Variants in ZSCAN31 observed in about 807,000 individuals in gnomAD.
ZSCAN31 encodes the protein zinc finger and SCAN domain containing 31.
In ZSCAN31, 14 loss-of-function variants were observed where a neutral mutation model predicts 22.5. The observed-to-expected ratio is 0.62, with a 90% CI of 0.41 to 0.97. The LOEUF (loss-of-function observed/expected upper bound fraction) is 0.97, where lower values mean the gene tolerates loss of function less well. Ranked by LOEUF, ZSCAN31 falls within the 50% of genes least tolerant of loss-of-function variation. The probability of loss-of-function intolerance (pLI) is 0.00; values close to 1 mark genes in which losing one functional copy is unlikely to be tolerated. For synonymous variants in ZSCAN31, 168 were observed against 169.8 expected (o/e 0.99, Z 0.08); for missense variants, 424 against 483.4 (o/e 0.88, Z 1.15).
rs1192930047 is a variant in ZSCAN31, at chr6:28,326,503, T to C, written c.884A>G (p.Tyr295Cys). Reference sequence around the variant, plus strand: ...GGCTTTCCCACACTCCTTACATTGATAGGGTTTCTCTCCAGTGTGGCTCCG... The same window carrying C: ...GGCTTTCCCACACTCCTTACATTGACAGGGTTTCTCTCCAGTGTGGCTCCG... Reference protein sequence around the residue: ...HRRSHTGEKPYQCKECGKAFS... With the variant: ...HRRSHTGEKPCQCKECGKAFS... The change falls in exon 4 of 4, where the codon TAT (tyrosine) becomes TGT (cysteine). Residue 295 changes from tyrosine (Y) to cysteine (C), a missense_variant. Physicochemically the swap from Tyr to Cys is radical, Grantham distance 194 (BLOSUM62 -2). Coordinates refer to ENST00000344279, the MANE Select transcript of ZSCAN31 (RefSeq NM_030899.5). 1.9e-6 allele frequency: 3 copies of C among 1,614,224 alleles called. No homozygotes were observed. Among genetic ancestry groups the C allele is most frequent in the Non-Finnish European group, 1.7e-6 (2 of 1,180,034 alleles).
chr6:28,327,356 C>A lies in ZSCAN31; in HGVS notation c.532+27G>T, dbSNP rs764760876. On this transcript the variant is annotated intron_variant, in intron 3 of 3. Coordinates refer to ENST00000344279, the MANE Select transcript of ZSCAN31 (RefSeq NM_030899.5). ...CCCTATATAGACCCACCAGAGATCT[C>A]CTGAAGGGACCTGTCAAAATCCTTA... 3.1e-6 allele frequency: 5 copies of A among 1,613,374 alleles called. No individual in the cohort carries two copies. In the Admixed American group the frequency reaches 8.3e-5, roughly 27 times the overall value.
chr6:28,329,363 C>G lies in ZSCAN31; in HGVS notation c.321G>C (p.Gly107=). The G allele has an allele frequency of 6.2e-7, 1 of 1,613,190 alleles. No individual in the cohort carries two copies. Among genetic ancestry groups the G allele is most frequent in the Non-Finnish European group, 8.5e-7 (1 of 1,179,572 alleles). ...AWVREHHPES[G]EEAVAVVEDL... ...CTTCAACTACAGCCACAGCCTCCTC[C>G]CCACTCTCCGGATGGTGCTCCCGCA... Residue 107 remains glycine (G), a synonymous_variant, in exon 2 of 4, where the codon GGG becomes GGC. Transcript: ENST00000344279.
At position 28,335,643 on chromosome 6, in the gene ZSCAN31, A is replaced by G. The variant is rs545940147; in HGVS notation, c.-96+439T>C. Among the ~76,000 whole-genome samples, 3 of 152,152 alleles carry G rather than the reference A, an allele frequency of 2.0e-5. No individual in the cohort carries two copies. The East Asian group carries it at 5.8e-4, about 29-fold the overall frequency. ...CTATGAATCATCATTTCAGCTCCTGATTGGTCCCGGACCAAGCTGAGTCAA... is the reference window on the plus strand; with the variant it reads ...CTATGAATCATCATTTCAGCTCCTGGTTGGTCCCGGACCAAGCTGAGTCAA... On this transcript the variant is annotated intron_variant, in intron 1 of 3. Coordinates refer to ENST00000344279, the MANE Select transcript of ZSCAN31 (RefSeq NM_030899.5).
At chr6:28,350,020 G>A (rs561170577) in intron 2 of ZSCAN31, 1 of 152,542 alleles carries the variant, frequency 6.6e-6, no homozygotes, top group South Asian at 2.1e-4. Context: ...ATCTCATCCC[G>A]CGGCTCTCCT....
upstream of ZSCAN31, among the ~76,000 whole-genome samples, chr6:28,339,768 C>T (rs1384243302): frequency 6.6e-6 from 1 of 152,160 alleles, no homozygotes; most frequent in African/African-American, 2.4e-5. Flanking sequence ...ATTTCAGTGC[C>T]ACTCAACAAG....
At chr6:28,352,418 A>G (rs1264001371) in intron 2 of ZSCAN31, among the ~76,000 whole-genome samples, 2 of 151,898 alleles carry the variant, frequency 1.3e-5, no homozygotes, top group African/African-American at 4.8e-5. Context: ...ACACCCAGCT[A>G]ATTTTTGTAT....
At position 28,327,519 on chromosome 6, in the gene ZSCAN31, T is replaced by TGGA; in HGVS notation, c.395_396insTCC (p.Glu132delinsAspPro). 1 of 1,613,392 alleles carries TGGA rather than the reference T, an allele frequency of 6.2e-7. No individual in the cohort carries two copies. The highest frequency in any genetic ancestry group is 8.5e-7 in the Non-Finnish European group (1 of 1,180,012). ...CCAAGAGCACTTCAGAATGTCCATG[T>TGGA]TCATGGTCTGGAGCCTGAAGGCAGG... On this transcript the variant is annotated protein_altering_variant, in exon 3 of 4. Coordinates refer to ENST00000344279, the MANE Select transcript of ZSCAN31 (RefSeq NM_030899.5).
rs1183787672 is a variant in ZSCAN31, at chr6:28,329,412, A to G, written c.272T>C (p.Leu91Pro). The G allele has an allele frequency of 1.2e-6, 2 of 1,614,206 alleles. No individual in the cohort carries two copies. The highest frequency in any genetic ancestry group is 1.7e-5 in the Admixed American group (1 of 60,028). ...CACCCAGGCCTGGAGCTCCTCAGGC[A>G]GGATAGTCAGGAATTGCTCCAGCAC... is the stretch of plus-strand genomic sequence containing the variant. ...LLVLEQFLTI[L>P]PEELQAWVRE... The change falls in exon 2 of 4, where the codon CTG (leucine) becomes CCG (proline). Residue 91 changes from leucine (L) to proline (P), a missense_variant. Leu to Pro is a moderately conservative substitution (Grantham distance 98). Coordinates refer to ENST00000344279, the MANE Select transcript of ZSCAN31 (RefSeq NM_030899.5).
intron 2 of ZSCAN31, 68 bp downstream of exon 2, chr6:28,329,235 A>C: frequency 6.6e-7 from 1 of 1,518,446 alleles, no homozygotes; most frequent in African/African-American, 1.4e-5. Flanking sequence ...TAGCCAACCA[A>C]CCTGTGTCAC....
intron 2 of ZSCAN31, among the ~76,000 whole-genome samples, chr6:28,342,912 A>C (rs1487869824): frequency 1.3e-5 from 2 of 152,254 alleles, no homozygotes; most frequent in Non-Finnish European, 2.9e-5. Context: ...CTACAGAGAG[A>C]CTGCAGTCAG....
At chr6:28,341,359 G>C (rs1119211) in intron 3 of ZSCAN31, among the ~76,000 whole-genome samples, 46,592 of 152,124 alleles carry the variant, frequency 0.31, 9,032 homozygotes, top group African/African-American at 0.55. Context: ...ATTTGGCATA[G>C]AGTGAAAGCT....
chr6:28,340,766 T>A (rs929734670), upstream of ZSCAN31, among the ~76,000 whole-genome samples: 15 of 152,338 alleles, frequency 9.8e-5, no homozygotes, highest in African/African-American at 3.6e-4. Flanking sequence ...TTTAAGGAAA[T>A]TAACTAAAAA....
Position 28,327,508 on chromosome 6 carries a change from G to C in ZSCAN31, c.407C>G (p.Ser136Cys), listed in dbSNP as rs983197922. 6.2e-7 allele frequency: 1 copy of C among 1,613,598 alleles called. No individual in the cohort carries two copies. Among genetic ancestry groups the C allele is most frequent in the Non-Finnish European group, 8.5e-7 (1 of 1,180,016 alleles). ...NQAPDHEHGH[S>C]EVLLEDVEHL... ...TTCCACATCCTCCAAGAGCACTTCA[G>C]AATGTCCATGTTCATGGTCTGGAGC... The change falls in exon 3 of 4, where the codon TCT becomes TGT. Residue 136 changes from serine to cysteine, a missense_variant. Ser to Cys is a moderately radical substitution (Grantham distance 112, BLOSUM62 -1). Transcript: ENST00000344279.
exon 2 of ZSCAN31, chr6:28,353,904 C>T (rs367662179): frequency 1.8e-4 from 80 of 455,968 alleles, no homozygotes; most frequent in African/African-American, 4.0e-4. Flanking sequence ...TACTGAGGTC[C>T]GAGGGGAGTT....
upstream of ZSCAN31, among the ~76,000 whole-genome samples, chr6:28,355,137 G>T (rs1277754441): frequency 6.6e-6 from 1 of 152,136 alleles, no homozygotes; most frequent in African/African-American, 2.4e-5. Context: ...GGATCTAGGG[G>T]TGCCTCAGGT....
upstream of ZSCAN31, chr6:28,354,268 A>G: frequency 3.6e-6 from 1 of 276,296 alleles, no homozygotes; most frequent in East Asian, 8.3e-5. Context: ...TAAGCCAAGT[A>G]TGAGCTTACA....
chr6:28,353,967 A>C (rs1231834547), intron 1 of ZSCAN31: 2 of 454,638 alleles, frequency 4.4e-6, no homozygotes, highest in African/African-American at 4.0e-5. Flanking sequence ...AGGCAGGTAA[A>C]ATATGATTTT....
chr6:28,346,025 A>C (rs6929449), intron 2 of ZSCAN31, among the ~76,000 whole-genome samples: 7,827 of 152,248 alleles, frequency 0.051, 498 homozygotes, highest in African/African-American at 0.15. Context: ...CACATAGGGA[A>C]AGATGTGCTT....
chr6:28,337,328 C>G (rs538101494), upstream of ZSCAN31, among the ~76,000 whole-genome samples: 49 of 152,186 alleles, frequency 3.2e-4, 1 homozygote, highest in South Asian at 9.5e-3. Flanking sequence ...TTTTGGATCC[C>G]TAACCAAGGA....
Sources: allele counts gnomAD v4.1 joint callset (sites outside exome capture counted in the v4.1 genomes callset), GRCh38; gene constraint gnomAD v4.1.1; transcripts MANE v1.5; gene names NCBI Gene and HGNC (gene_info 2026-07-23, HGNC 2026-07-21).